APLP2: variants seen among roughly 807,000 people sequenced by gnomAD.
The protein encoded by APLP2 is CDEI box-binding protein.
Under a neutral mutation model 89.9 loss-of-function variants are expected in APLP2, and 53 were observed. The ratio of observed to expected loss-of-function variants is 0.59; its 90% confidence interval spans 0.47 to 0.74. The LOEUF (loss-of-function observed/expected upper bound fraction) is 0.74. Among genes scored for constraint, APLP2 ranks in the 30% least tolerant of loss-of-function variants. APLP2 has a pLI of 0.00. For synonymous variants in APLP2, 372 were observed against 348.6 expected, an observed-to-expected ratio of 1.07 and a Z score of -0.75; for missense variants, 973 against 975.9, an observed-to-expected ratio of 1.00 and a Z score of 0.04.
chr11:130,143,337 G>GAAA lies in APLP2; in HGVS notation c.2155-10_2155-9insAAA. On this transcript the variant is annotated splice_polypyrimidine_tract_variant and intron_variant, in intron 16 of 16. Coordinates refer to ENST00000338167, the MANE Select transcript of APLP2 (RefSeq NM_001142276.2). The stretch of plus-strand genomic sequence containing the variant: ...GACACCACAATGACCCTCAGGTTTT[G>GAAA]TTCTTCCAGGTTGATCCAATGCTCA... 1 of 1,613,344 alleles carries GAAA rather than the reference G, an allele frequency of 6.2e-7. No individual in the cohort carries two copies. Among genetic ancestry groups the GAAA allele is most frequent in the Non-Finnish European group, 8.5e-7 (1 of 1,179,572 alleles).
rs1591832729 is a variant in APLP2 at position 130,126,744 on chromosome 11, G to A, written c.1135G>A (p.Glu379Lys). 4 of 1,614,172 alleles carry A rather than the reference G, an allele frequency of 2.5e-6. No individual in the cohort carries two copies. The highest frequency in any genetic ancestry group is 2.5e-6 in the Non-Finnish European group (3 of 1,180,022). Reference protein sequence around the residue: ...LPTNDVDVYFETSADDNEHAR... With the variant: ...LPTNDVDVYFKTSADDNEHAR... ...AACCAATGATGTTGATGTGTATTTC[G>A]AGACCTCTGCAGATGATAATGAGCA... Residue 379 changes from glutamate (E) to lysine (K), a missense_variant, in exon 8 of 17, where the codon GAG becomes AAG. Glu to Lys is a moderately conservative substitution (Grantham distance 56, BLOSUM62 1). Coordinates refer to ENST00000338167, the MANE Select transcript of APLP2 (RefSeq NM_001142276.2).
At chr11:130,138,753 A>AT (rs34571431) in intron 13 of APLP2, 1,262 of 124,760 alleles carry the variant, frequency 0.01, 12 homozygotes, top group Middle Eastern at 0.024. Context: ...CCTCGGCTAA[A>AT]TTTTTTTTTT....
intron 1 of APLP2, among the ~76,000 whole-genome samples, chr11:130,084,098 T>G (rs576815505): frequency 6.6e-6 from 1 of 152,192 alleles, no homozygotes; most frequent in South Asian, 2.1e-4. Flanking sequence ...TACAAAAAAT[T>G]AGCCAGGCGT....
chr11:130,133,733 G>T lies in APLP2; in HGVS notation c.1684+5G>T, dbSNP rs1176392672. 1 of 1,605,390 alleles carries T rather than the reference G, an allele frequency of 6.2e-7. No homozygotes were observed. Among genetic ancestry groups the T allele is most frequent in the African/African-American group, 1.3e-5 (1 of 74,848 alleles). ...AAGAAATTCAAGAGGAAATTGGTGGGTACCAGCTCTTTGTGTCAAGGTCAT... is the reference window on the plus strand; with the variant it reads ...AAGAAATTCAAGAGGAAATTGGTGGTTACCAGCTCTTTGTGTCAAGGTCAT... On this transcript the variant is annotated splice_donor_5th_base_variant and intron_variant, in intron 12 of 16. Transcript: ENST00000338167.
At chr11:130,078,074 T>G (rs1048891671) in intron 1 of APLP2, among the ~76,000 whole-genome samples, 26 of 152,154 alleles carry the variant, frequency 1.7e-4, no homozygotes, top group African/African-American at 6.0e-4. Flanking sequence ...GAGTAACTGC[T>G]CCTCTGACTT....
At position 130,121,739 on chromosome 11, in the gene APLP2, A is replaced by AGAAGAGGAAGAGGAAGAT; in HGVS notation, c.660_677dup (p.Asp220_Glu225dup). On this transcript the variant is annotated inframe_insertion, in exon 5 of 17. Coordinates refer to ENST00000338167, the MANE Select transcript of APLP2 (RefSeq NM_001142276.2). Reference sequence around the variant, plus strand: ...CAAAGATTATTGGATCTGTGTCAAAAGAAGAGGAAGAGGAAGATGAAGAGG... The same window carrying AGAAGAGGAAGAGGAAGAT: ...CAAAGATTATTGGATCTGTGTCAAAAGAAGAGGAAGAGGAAGATGAAGAGGAAGAGGAAGATGAAGAGG... 8 of 1,613,216 alleles carry AGAAGAGGAAGAGGAAGAT rather than the reference A, an allele frequency of 5.0e-6. No homozygotes were observed. The highest frequency in any genetic ancestry group is 6.8e-6 in the Non-Finnish European group (8 of 1,179,908).
At chr11:130,137,231 T>G in intron 13 of APLP2, 1 of 1,612,178 alleles carries the variant, frequency 6.2e-7, no homozygotes, top group Non-Finnish European at 8.5e-7. Flanking sequence ...TTTATTTTGT[T>G]TTTTATTGTT....
intron 16 of APLP2, among the ~76,000 whole-genome samples, chr11:130,142,508 T>C (rs951115689): frequency 4.6e-5 from 7 of 152,220 alleles, no homozygotes; most frequent in African/African-American, 1.7e-4. Flanking sequence ...ACAGTGGGAA[T>C]GTCCAGAGTC....
intron 1 of APLP2, among the ~76,000 whole-genome samples, chr11:130,093,060 T>G (rs1945648706): frequency 6.6e-6 from 1 of 152,128 alleles, no homozygotes. Context: ...AGGAAAAGAC[T>G]TGAGGTTTAC....
At chr11:130,103,350 C>G (rs943748355) in intron 1 of APLP2, among the ~76,000 whole-genome samples, 1 of 151,952 alleles carries the variant, frequency 6.6e-6, no homozygotes, top group Non-Finnish European at 1.5e-5. Context: ...TTTCTGAACT[C>G]AAAAGTGAAT....
At chr11:130,108,094 C>T (rs1948037512) in intron 1 of APLP2, among the ~76,000 whole-genome samples, 1 of 152,198 alleles carries the variant, frequency 6.6e-6, no homozygotes. Flanking sequence ...AAATGTTAGA[C>T]TTAAAACCAT....
intron 1 of APLP2, among the ~76,000 whole-genome samples, chr11:130,095,902 G>T (rs1419563663): frequency 6.6e-6 from 1 of 151,060 alleles, no homozygotes; most frequent in Admixed American, 6.6e-5. Context: ...CATGCTAGGG[G>T]CTGTTCCCAG....
chr11:130,122,980 T>C (rs1000394617), intron 6 of APLP2, among the ~76,000 whole-genome samples: 3 of 152,138 alleles, frequency 2.0e-5, no homozygotes, highest in African/African-American at 4.8e-5. Flanking sequence ...TGGTAACAGA[T>C]TGGGGCCTGC....
At chr11:130,133,508 G>A (rs1951169316) in intron 11 of APLP2, 121 bp from the exon 12 acceptor site, 2 of 698,228 alleles carry the variant, frequency 2.9e-6, no homozygotes, top group East Asian at 2.6e-5. Context: ...GCTAGACTCT[G>A]TAGAGAATAT....
intron 1 of APLP2, among the ~76,000 whole-genome samples, chr11:130,079,049 T>G (rs57629056): frequency 0.11 from 16,785 of 152,024 alleles, 1,176 homozygotes; most frequent in East Asian, 0.25. Context: ...TTCAAATACC[T>G]AGTTTTCCAA....
rs1332882626 is a variant in APLP2, at chr11:130,109,544, C to T, written c.221C>T (p.Pro74Leu). 1 of 1,613,356 alleles carries T rather than the reference C, an allele frequency of 6.2e-7. No individual in the cohort carries two copies. The highest frequency in any genetic ancestry group is 1.3e-5 in the African/African-American group (1 of 74,846). ...CAGACTGGGAAATGGGAACCTGATCCAACAGGCACCAAGAGCTGCTTTGAA... is the reference window on the plus strand; with the variant it reads ...CAGACTGGGAAATGGGAACCTGATCTAACAGGCACCAAGAGCTGCTTTGAA... ...NIQTGKWEPDPTGTKSCFETK... is the reference protein window; with the variant it reads ...NIQTGKWEPDLTGTKSCFETK... Residue 74 changes from proline (P) to leucine (L), a missense_variant, in exon 2 of 17, where the codon CCA becomes CTA. Pro to Leu is a moderately conservative substitution (Grantham distance 98). Coordinates refer to ENST00000338167, the MANE Select transcript of APLP2 (RefSeq NM_001142276.2).
chr11:130,074,287 C>T (rs973185190), intron 1 of APLP2, among the ~76,000 whole-genome samples: 1 of 152,158 alleles, frequency 6.6e-6, no homozygotes, highest in African/African-American at 2.4e-5. Context: ...ATGATCTCGG[C>T]TTACTGCAAC....
intron 1 of APLP2, among the ~76,000 whole-genome samples, chr11:130,106,166 A>C (rs1947726603): frequency 6.6e-6 from 1 of 152,216 alleles, no homozygotes; most frequent in Non-Finnish European, 1.5e-5. Context: ...ACATGAGAGA[A>C]AATTGTTCAT....
intron 8 of APLP2, 24 bp from the exon 9 acceptor site, chr11:130,127,742 C>A (rs373745554): frequency 1.2e-6 from 2 of 1,607,362 alleles, no homozygotes; most frequent in Non-Finnish European, 1.7e-6. Flanking sequence ...TCACTGCTGA[C>A]GGCGTTTTTG....
Sources: allele counts gnomAD v4.1 joint callset (sites outside exome capture counted in the v4.1 genomes callset), GRCh38; gene constraint gnomAD v4.1.1; transcripts MANE v1.5; gene names NCBI Gene and HGNC (gene_info 2026-07-23, HGNC 2026-07-21).